The following FOXO3 variants were observed in gnomAD, a reference collection of about 807,000 sequenced individuals.
The protein encoded by FOXO3 is forkhead box protein O3.
FOXO3 carries 4 observed loss-of-function variants against 41.9 expected under a neutral mutation model. That is an observed-to-expected ratio of 0.10 (90% confidence interval 0.05 to 0.22). The LOEUF (loss-of-function observed/expected upper bound fraction) is 0.22, where lower values mean the gene tolerates loss of function less well. FOXO3 is among the 10% of genes least tolerant of loss of function. FOXO3 has a pLI of 1.00. For synonymous variants in FOXO3, 318 were observed against 389.3 expected, an observed-to-expected ratio of 0.82 and a Z score of 2.16; for missense variants, 534 against 906.8, an observed-to-expected ratio of 0.59 and a Z score of 5.28.
chr6:108,581,774 C>T (rs181067566), intron 1 of FOXO3, among the ~76,000 whole-genome samples: 160 of 152,196 alleles, frequency 1.1e-3, no homozygotes, highest in African/African-American at 3.5e-3. Context: ...TGAACTAAAT[C>T]TCCCAAAGTC....
chr6:108,620,515 A>G (rs115410904), intron 1 of FOXO3, among the ~76,000 whole-genome samples: 1,610 of 152,292 alleles, frequency 0.011, 20 homozygotes, highest in African/African-American at 0.034. Context: ...GGTAGATGGT[A>G]GGGCTGTACA....
At chr6:108,562,801 C>A (rs1582722841) in intron 1 of FOXO3, among the ~76,000 whole-genome samples, 1 of 152,204 alleles carries the variant, frequency 6.6e-6, no homozygotes, top group Non-Finnish European at 1.5e-5. Context: ...GTAATGACTT[C>A]CTGCAGTTGG....
chr6:108,583,747 T>C (rs547947012), intron 1 of FOXO3, among the ~76,000 whole-genome samples: 17 of 152,378 alleles, frequency 1.1e-4, no homozygotes, highest in African/African-American at 3.8e-4. Flanking sequence ...AAAATGCCAC[T>C]TCTAGTCACT....
intron 1 of FOXO3, among the ~76,000 whole-genome samples, chr6:108,637,080 T>G (rs747104507): frequency 3.3e-5 from 5 of 152,186 alleles, no homozygotes; most frequent in Non-Finnish European, 7.3e-5. Flanking sequence ...TTCATTTTAG[T>G]TTACAACTTT....
At chr6:108,652,482 G>A (rs1021266452) in intron 1 of FOXO3, among the ~76,000 whole-genome samples, 4 of 152,114 alleles carry the variant, frequency 2.6e-5, no homozygotes, top group Non-Finnish European at 5.9e-5. Context: ...TTATTCCTTG[G>A]TCACTTGTTA....
chr6:108,625,785 C>T (rs1235292871), intron 1 of FOXO3, among the ~76,000 whole-genome samples: 4 of 152,140 alleles, frequency 2.6e-5, no homozygotes, highest in Non-Finnish European at 5.9e-5. Context: ...GAGTCATTTG[C>T]CTTATCTTTA....
chr6:108,570,031 G>A (rs963789462), intron 1 of FOXO3, among the ~76,000 whole-genome samples: 9 of 107,402 alleles, frequency 8.4e-5, no homozygotes, highest in African/African-American at 3.0e-4. Context: ...ACAGAATCTC[G>A]CTCTGTCGCC....
intron 1 of FOXO3, among the ~76,000 whole-genome samples, chr6:108,564,254 C>T (rs563102961): frequency 3.2e-4 from 49 of 152,284 alleles, no homozygotes; most frequent in Non-Finnish European, 7.4e-5. Flanking sequence ...GAAACTGGAG[C>T]TGGTTTTATA....
At chr6:108,649,011 A>T (rs890648633) in intron 1 of FOXO3, among the ~76,000 whole-genome samples, 4 of 128,648 alleles carry the variant, frequency 3.1e-5, no homozygotes, top group African/African-American at 8.3e-5. Context: ...TATCTCTTAA[A>T]AAAAAAAAAA....
At chr6:108,560,563 G>C (rs1267685317), upstream of FOXO3, among the ~76,000 whole-genome samples, 2 of 152,140 alleles carry the variant, frequency 1.3e-5, no homozygotes, top group Non-Finnish European at 2.9e-5. Flanking sequence ...CCATTCGACC[G>C]GGTGGGGGGT....
chr6:108,632,103 T>C (rs1777990505), intron 1 of FOXO3, among the ~76,000 whole-genome samples: 1 of 152,226 alleles, frequency 6.6e-6, no homozygotes, highest in African/African-American at 2.4e-5. Context: ...GGTAGTGCTG[T>C]GTGCTTCACA....
chr6:108,656,030 G>A (rs762611357), intron 1 of FOXO3, among the ~76,000 whole-genome samples: 14 of 151,972 alleles, frequency 9.2e-5, no homozygotes, highest in East Asian at 1.9e-4. Context: ...ACCAGGAGAC[G>A]CCTGCAGTCG....
chr6:108,681,906 G>A lies in FOXO3; in HGVS notation c.*2114G>A, dbSNP rs1327018325. 6.6e-6 allele frequency: 1 copy of A among 152,048 alleles called. No individual in the cohort carries two copies. Among genetic ancestry groups the A allele is most frequent in the African/African-American group, 2.4e-5 (1 of 41,368 alleles). The allele number at this position is 152,048 out of a possible 1,614,324, so 9.4% of individuals were successfully genotyped here. On this transcript the variant is annotated 3_prime_UTR_variant, in exon 3 of 3. Transcript: ENST00000406360. ...AACTTTCCAGTAGCAGTGAAGGAGG[G>A]TTGCCTCTCCAAGCTTCCTAAGGGA...
chr6:108,652,146 C>A (rs1234481087), intron 1 of FOXO3, among the ~76,000 whole-genome samples: 1 of 152,140 alleles, frequency 6.6e-6, no homozygotes, highest in Non-Finnish European at 1.5e-5. Flanking sequence ...GGCTAATTCT[C>A]CCAGAACACA....
chr6:108,598,921 G>A (rs1489257725), intron 1 of FOXO3, among the ~76,000 whole-genome samples: 1 of 152,132 alleles, frequency 6.6e-6, no homozygotes, highest in Non-Finnish European at 1.5e-5. Flanking sequence ...TAGCATGATG[G>A]CCGGCAAGGA....
intron 1 of FOXO3, among the ~76,000 whole-genome samples, chr6:108,576,689 G>A (rs951751533): frequency 9.2e-5 from 14 of 152,194 alleles, no homozygotes; most frequent in African/African-American, 3.1e-4. Context: ...ATAATGCAGT[G>A]GAAATACATC....
At chr6:108,607,464 A>G (rs1420885446) in intron 1 of FOXO3, among the ~76,000 whole-genome samples, 1 of 150,906 alleles carries the variant, frequency 6.6e-6, no homozygotes, top group Non-Finnish European at 1.5e-5. Flanking sequence ...AAAAAAAAAA[A>G]AGAAGAAGGA....
At position 108,664,369 on chromosome 6, in the gene FOXO3, C is replaced by A. The variant is rs199776762; in HGVS notation, c.1536C>A (p.Arg512=). 8 of 1,613,630 alleles carry A rather than the reference C, an allele frequency of 5.0e-6. No homozygotes were observed. The highest frequency in any genetic ancestry group is 3.3e-5 in the Admixed American group (2 of 59,990). The change falls in exon 2 of 3, where the codon CGC becomes CGA. Residue 512 remains arginine (R), a synonymous_variant. Coordinates refer to ENST00000406360, the MANE Select transcript of FOXO3 (RefSeq NM_001455.4). ...ATTCCCGCCGGAACGTGATGCTTCGCAATGATCCGATGATGTCCTTTGCTG... is the reference window on the plus strand; with the variant it reads ...ATTCCCGCCGGAACGTGATGCTTCGAAATGATCCGATGATGTCCTTTGCTG... ...AQNSRRNVML[R]NDPMMSFAAQ...
intron 1 of FOXO3, among the ~76,000 whole-genome samples, chr6:108,627,304 C>T (rs1028235419): frequency 6.6e-6 from 1 of 152,096 alleles, no homozygotes; most frequent in Non-Finnish European, 1.5e-5. Context: ...AAGCCCCCTA[C>T]ACTTGGATCT....
Sources: allele counts gnomAD v4.1 joint callset (sites outside exome capture counted in the v4.1 genomes callset), GRCh38; gene constraint gnomAD v4.1.1; transcripts MANE v1.5; gene names NCBI Gene and HGNC (gene_info 2026-07-23, HGNC 2026-07-21).